The following TLE5 variants were observed in gnomAD, a reference collection of about 807,000 sequenced individuals.
TLE5 encodes TLE family member 5, transcriptional modulator, also known as TLE family member 5.
Under a neutral mutation model 25.8 loss-of-function variants are expected in TLE5, and 7 were observed. That is an observed-to-expected ratio of 0.27 (90% CI 0.15 to 0.51). The LOEUF (loss-of-function observed/expected upper bound fraction) is 0.51. TLE5 is among the 20% of genes least tolerant of loss of function. The pLI is 0.97. For missense variants in TLE5, 149 were observed against 250.7 expected, an observed-to-expected ratio of 0.59 and a Z score of 2.74; for synonymous variants, 132 against 110.5, an observed-to-expected ratio of 1.20 and a Z score of -1.22.
chr19:3,059,796 G>C (rs542198458), intron 2 of TLE5, among the ~76,000 whole-genome samples: 3 of 152,278 alleles, frequency 2.0e-5, no homozygotes, highest in African/African-American at 7.2e-5. Context: ...TCAGCCCCGG[G>C]GCTCACCAGG....
upstream of TLE5, chr19:3,062,947 T>G (rs1467601274): frequency 6.9e-6 from 5 of 726,518 alleles, no homozygotes; most frequent in Non-Finnish European, 1.1e-5. Context: ...GCCTACTGTG[T>G]GCCAGGCCCC....
rs1246055787 is a variant in TLE5 at position 3,053,432 on chromosome 19, G to A, written c.*387C>T. The A allele has an allele frequency of 4.0e-6, 1 of 252,884 alleles. No homozygotes were observed. The highest frequency in any genetic ancestry group is 7.7e-6 in the Non-Finnish European group (1 of 130,164). The allele number at this position is 252,884 out of a possible 1,614,324, so 15.7% of individuals were successfully genotyped here. A position where few individuals can be genotyped will look rare whatever the true frequency, so the allele number is the denominator to read the frequency against. On this transcript the variant is annotated 3_prime_UTR_variant, in exon 7 of 7. Coordinates refer to ENST00000327141, the MANE Select transcript of TLE5 (RefSeq NM_001130.6). ...CTAGCATTGCGTGCATGCAGTACCA[G>A]GGTGAGAGGGCTGTGGCCCAGGCAG...
Position 3,061,098 on chromosome 19 carries a change from C to A in TLE5, c.125+62G>T, listed in dbSNP as rs1599274733. On this transcript the variant is annotated intron_variant, in intron 2 of 6. Coordinates refer to ENST00000327141, the MANE Select transcript of TLE5 (RefSeq NM_001130.6). ...CTCCAGGCCTCAGCCTTGCCATCTG[C>A]GCAGAAGAAATGGGGGGACTCACAT... The A allele has an allele frequency of 1.2e-5, 15 of 1,293,806 alleles. No homozygotes were observed. The East Asian group carries it at 3.5e-4, about 30-fold the overall frequency. 80.1% of individuals were successfully genotyped at this position (1,293,806 alleles called of 1,614,324 possible).
chr19:3,056,257 G>T, intron 4 of TLE5, 55 bp downstream of exon 4: 4 of 1,285,300 alleles, frequency 3.1e-6, no homozygotes, highest in South Asian at 2.9e-5. Context: ...GGCTGGAGGT[G>T]GGGGGAGGAG....
chr19:3,056,245 G>T, intron 4 of TLE5, 67 bp downstream of exon 4: 1 of 1,225,556 alleles, frequency 8.2e-7, no homozygotes, highest in Non-Finnish European at 1.1e-6. Flanking sequence ...TGCCCAAGGC[G>T]GGGCTGGAGG....
rs1031115105 is a variant in TLE5 at position 3,053,327 on chromosome 19, G to C, written c.*492C>G. On this transcript the variant is annotated 3_prime_UTR_variant, in exon 7 of 7. Transcript: ENST00000327141. ...TGTCTGGAACTAGCAGAGGTGGTGA[G>C]TGGGGCAGGTGGAGGTGGGAGCATA... 1.2e-5 allele frequency: 2 copies of C among 162,060 alleles called. No homozygotes were observed. The highest frequency in any genetic ancestry group is 4.8e-5 in the African/African-American group (2 of 41,566). 10.0% of individuals were successfully genotyped at this position (162,060 alleles called of 1,614,324 possible). A position where few individuals can be genotyped will look rare whatever the true frequency, so the allele number is the denominator to read the frequency against.
chr19:3,054,486 A>G lies in TLE5; in HGVS notation c.298-292T>C, dbSNP rs1186424772. On this transcript the variant is annotated intron_variant, in intron 5 of 6. Transcript: ENST00000327141. ...ACAGCTTTTGAGTGAGCCCGGGAGA[A>G]ACCCTGGATCCTGACCTATCCTATG... 1.9e-5 allele frequency: 10 copies of G among 535,776 alleles called. No individual in the cohort carries two copies. The Admixed American group carries it at 3.1e-4, about 17-fold the overall frequency. 33.2% of individuals were successfully genotyped at this position (535,776 alleles called of 1,614,324 possible). A position where few individuals can be genotyped will look rare whatever the true frequency, so the allele number is the denominator to read the frequency against.
chr19:3,057,873 G>A lies in TLE5; in HGVS notation c.126-131C>T, dbSNP rs541947865. ...GGGCAAGATCAGCCAATTCTCAGAGGGTCAAGCAATAATTTTTTTTTTAAA... is the reference window on the plus strand; with the variant it reads ...GGGCAAGATCAGCCAATTCTCAGAGAGTCAAGCAATAATTTTTTTTTTAAA... On this transcript the variant is annotated intron_variant, in intron 2 of 6. Transcript: ENST00000327141. The A allele has an allele frequency of 2.2e-5, 17 of 788,696 alleles. No individual in the cohort carries two copies. The African/African-American group carries it at 2.8e-4, about 13-fold the overall frequency. The allele number at this position is 788,696 out of a possible 1,614,324, so 48.9% of individuals were successfully genotyped here.
At chr19:3,058,827 C>T (rs1321919492) in intron 2 of TLE5, among the ~76,000 whole-genome samples, 1 of 152,120 alleles carries the variant, frequency 6.6e-6, no homozygotes, top group Non-Finnish European at 1.5e-5. Context: ...GCACAGGGGC[C>T]CTGCGGACCT....
chr19:3,062,246 C>T lies in TLE5; in HGVS notation c.-46G>A. On this transcript the variant is annotated 5_prime_UTR_variant, in exon 1 of 7. Coordinates refer to ENST00000327141, the MANE Select transcript of TLE5 (RefSeq NM_001130.6). ...CGGGCTGCGCCCCGGCTGTGCGCCC[C>T]GGCTCGGGCTGCTGGGGGCGCCGGG... is the stretch of plus-strand genomic sequence containing the variant. The T allele has an allele frequency of 2.8e-6, 3 of 1,083,210 alleles. No homozygotes were observed. The highest frequency in any genetic ancestry group is 3.4e-6 in the Non-Finnish European group (3 of 891,838). The allele number at this position is 1,083,210 out of a possible 1,614,324, so 67.1% of individuals were successfully genotyped here.
chr19:3,054,509 A>ATG (rs1221835303), intron 5 of TLE5: 2 of 492,432 alleles, frequency 4.1e-6, no homozygotes, highest in African/African-American at 3.9e-5. Context: ...GACCTATCCT[A>ATG]TGTGCACAGC....
chr19:3,054,398 A>G, intron 5 of TLE5: 1 of 600,026 alleles, frequency 1.7e-6, no homozygotes. Context: ...TCGTCTGGCC[A>G]ACAGAGACAA....
At chr19:3,059,392 C>T (rs1431978222) in intron 2 of TLE5, among the ~76,000 whole-genome samples, 2 of 152,064 alleles carry the variant, frequency 1.3e-5, no homozygotes, top group Non-Finnish European at 2.9e-5. Flanking sequence ...TGTGGTGGTG[C>T]ACGCCTGTAA....
Position 3,053,635 on chromosome 19 carries a change from G to C in TLE5, c.*184C>G, listed in dbSNP as rs2090192109. The stretch of plus-strand genomic sequence containing the variant: ...GGGAGGAGGAGGGAAGCCGGGAATG[G>C]GGTAGGAAGAAAGCTAGAGGTGGCC... On this transcript the variant is annotated 3_prime_UTR_variant, in exon 7 of 7. Coordinates refer to ENST00000327141, the MANE Select transcript of TLE5 (RefSeq NM_001130.6). 1.6e-6 allele frequency: 1 copy of C among 642,872 alleles called. No individual in the cohort carries two copies. Among genetic ancestry groups the C allele is most frequent in the Admixed American group, 2.9e-5 (1 of 34,270 alleles). The allele number at this position is 642,872 out of a possible 1,614,324, so 39.8% of individuals were successfully genotyped here. A position where few individuals can be genotyped will look rare whatever the true frequency, so the allele number is the denominator to read the frequency against.
chr19:3,062,569 G>A (rs1320377950), upstream of TLE5: 3 of 847,734 alleles, frequency 3.5e-6, no homozygotes, highest in Middle Eastern at 5.8e-4. Flanking sequence ...CCGCCGAGGG[G>A]GGGGACGCGC....
intron 2 of TLE5, among the ~76,000 whole-genome samples, chr19:3,058,585 G>C (rs770284811): frequency 1.3e-5 from 2 of 152,114 alleles, no homozygotes; most frequent in African/African-American, 2.4e-5. Context: ...TTTTTCTTTA[G>C]CTGGGACAAA....
intron 4 of TLE5, 37 bp downstream of exon 4, chr19:3,056,272 AAGG>A (rs756419198): frequency 0.025 from 26,642 of 1,073,792 alleles, 6 homozygotes; most frequent in South Asian, 0.031. Flanking sequence ...GAGGAGGGGG[AAGG>A]AGGAGGAGGA....
At chr19:3,060,862 A>G (rs1418073871) in intron 2 of TLE5, 1 of 203,206 alleles carries the variant, frequency 4.9e-6, no homozygotes, top group African/African-American at 2.3e-5. Context: ...CGTAACTCCA[A>G]TTGTTGGAAG....
chr19:3,062,645 C>T, upstream of TLE5: 2 of 1,275,306 alleles, frequency 1.6e-6, no homozygotes, highest in Non-Finnish European at 2.0e-6. Context: ...GCCGCGGTGA[C>T]CTTGGGCCCG....
Sources: allele counts gnomAD v4.1 joint callset (sites outside exome capture counted in the v4.1 genomes callset), GRCh38; gene constraint gnomAD v4.1.1; transcripts MANE v1.5; gene names NCBI Gene and HGNC (gene_info 2026-07-23, HGNC 2026-07-21).